CAMKMT: variants seen among roughly 807,000 people sequenced by gnomAD.
The protein encoded by CAMKMT is CaM KMT.
In CAMKMT, 53 loss-of-function variants were observed where a neutral mutation model predicts 48.0. That is an observed-to-expected ratio of 1.10 (90% confidence interval 0.89 to 1.39). The LOEUF (loss-of-function observed/expected upper bound fraction) is 1.39. Among genes scored for constraint, CAMKMT ranks in the 40% most tolerant of loss-of-function variants. CAMKMT has a pLI of 0.00. For missense variants in CAMKMT, 428 were observed against 402.7 expected, an observed-to-expected ratio of 1.06 and a Z score of -0.54; for synonymous variants, 165 against 152.3, an observed-to-expected ratio of 1.08 and a Z score of -0.61.
intron 3 of CAMKMT, among the ~76,000 whole-genome samples, chr2:44,482,996 G>T (rs1208458920): frequency 6.6e-6 from 1 of 152,126 alleles, no homozygotes; most frequent in African/African-American, 2.4e-5. Context: ...AAAGAATCAT[G>T]ATGCCAATGC....
intron 3 of CAMKMT, among the ~76,000 whole-genome samples, chr2:44,434,919 G>T (rs1666125711): frequency 6.6e-6 from 1 of 152,094 alleles, no homozygotes; most frequent in Non-Finnish European, 1.5e-5. Context: ...CACAATTTGA[G>T]GTCAAGTCAA....
intron 3 of CAMKMT, among the ~76,000 whole-genome samples, chr2:44,504,635 G>C (rs1037176595): frequency 2.6e-5 from 4 of 152,056 alleles, no homozygotes; most frequent in Non-Finnish European, 4.4e-5. Context: ...CTTTGGTGTT[G>C]CTGTTATTTT....
intron 3 of CAMKMT, among the ~76,000 whole-genome samples, chr2:44,468,244 A>C (rs1402995672): frequency 6.6e-6 from 1 of 152,238 alleles, no homozygotes; most frequent in Non-Finnish European, 1.5e-5. Context: ...AAGTATATGA[A>C]ACAATGTTCC....
At position 44,737,300 on chromosome 2, in the gene CAMKMT, A is replaced by G. The variant is rs147201776; in HGVS notation, c.624-6322A>G. Among the ~76,000 whole-genome samples the G allele has an allele frequency of 6.8e-3, 1,040 of 152,166 alleles. 13 individuals are homozygous for G. Among genetic ancestry groups the G allele is most frequent in the African/African-American group, 0.024 (986 of 41,520 alleles). On this transcript the variant is annotated intron_variant, in intron 7 of 10. Transcript: ENST00000378494. ...TCATCTAATTTTTGTATTTTTTTGT[A>G]GAGATGGGATCTTGCCATGTTGCCC...
chr2:44,574,845 A>T (rs1056337983), intron 3 of CAMKMT, among the ~76,000 whole-genome samples: 1 of 151,682 alleles, frequency 6.6e-6, no homozygotes, highest in Non-Finnish European at 1.5e-5. Flanking sequence ...GGTTCAAGCA[A>T]TTCTCCTGCC....
At chr2:44,686,637 T>G (rs1281694957) in intron 3 of CAMKMT, among the ~76,000 whole-genome samples, 1 of 152,200 alleles carries the variant, frequency 6.6e-6, no homozygotes, top group Non-Finnish European at 1.5e-5. Flanking sequence ...GGCTTTGCCA[T>G]GAACACGTTT....
intron 3 of CAMKMT, among the ~76,000 whole-genome samples, chr2:44,682,190 T>G (rs966918538): frequency 1.7e-4 from 26 of 152,248 alleles, no homozygotes; most frequent in African/African-American, 6.3e-4. Context: ...ACAAATACAC[T>G]GAACTTTTTC....
At chr2:44,667,764 T>C (rs578234121) in intron 3 of CAMKMT, among the ~76,000 whole-genome samples, 1 of 152,314 alleles carries the variant, frequency 6.6e-6, no homozygotes, top group South Asian at 2.1e-4. Flanking sequence ...CTTCTTTTTC[T>C]ACAGCTCAGG....
intron 3 of CAMKMT, among the ~76,000 whole-genome samples, chr2:44,438,017 A>G (rs191014027): frequency 6.6e-6 from 1 of 151,972 alleles, no homozygotes; most frequent in Admixed American, 6.6e-5. Context: ...TTCTTATTCC[A>G]TGTTCTAAGC....
chr2:44,678,490 A>G (rs1475630104), intron 3 of CAMKMT, among the ~76,000 whole-genome samples: 1 of 152,238 alleles, frequency 6.6e-6, no homozygotes, highest in Non-Finnish European at 1.5e-5. Flanking sequence ...CATATCTAAA[A>G]TGGCCAATCT....
intron 2 of CAMKMT, among the ~76,000 whole-genome samples, chr2:44,385,988 T>G (rs573272702): frequency 5.9e-5 from 9 of 152,276 alleles, no homozygotes; most frequent in African/African-American, 2.2e-4. Flanking sequence ...GCTGGCTTCA[T>G]AGAATGAATT....
chr2:44,462,113 G>C (rs939999077), intron 3 of CAMKMT, among the ~76,000 whole-genome samples: 1 of 151,686 alleles, frequency 6.6e-6, no homozygotes, highest in Non-Finnish European at 1.5e-5. Context: ...GAATGAATGG[G>C]GCTTTCTCCT....
chr2:44,493,146 C>CA (rs200268435), intron 3 of CAMKMT, among the ~76,000 whole-genome samples: 2,057 of 152,158 alleles, frequency 0.014, 29 homozygotes, highest in Non-Finnish European at 0.017. Context: ...CCACCCACCT[C>CA]AGGCTTCCAA....
At chr2:44,410,839 G>C (rs990379869) in intron 3 of CAMKMT, among the ~76,000 whole-genome samples, 1 of 152,088 alleles carries the variant, frequency 6.6e-6, no homozygotes, top group African/African-American at 2.4e-5. Flanking sequence ...TCTGTTTAAG[G>C]ATTGGTGAAT....
chr2:44,365,356 C>G (rs568409387), intron 1 of CAMKMT, among the ~76,000 whole-genome samples: 5 of 152,190 alleles, frequency 3.3e-5, no homozygotes, highest in African/African-American at 1.2e-4. Flanking sequence ...CCTGGTTGAC[C>G]TAGTGCATCA....
intron 3 of CAMKMT, among the ~76,000 whole-genome samples, chr2:44,432,475 A>G (rs1684710438): frequency 6.6e-6 from 1 of 152,186 alleles, no homozygotes; most frequent in Non-Finnish European, 1.5e-5. Context: ...AGAAGAGAAT[A>G]CTGGTGGGAG....
At chr2:44,381,547 A>G (rs368922517) in intron 2 of CAMKMT, among the ~76,000 whole-genome samples, 5 of 152,204 alleles carry the variant, frequency 3.3e-5, no homozygotes, top group African/African-American at 9.7e-5. Context: ...AGTGTGCACA[A>G]TAGTACAAAA....
intron 7 of CAMKMT, among the ~76,000 whole-genome samples, chr2:44,729,396 G>T (rs997056470): frequency 6.6e-6 from 1 of 152,302 alleles, no homozygotes; most frequent in Non-Finnish European, 1.5e-5. Flanking sequence ...AGTAAAAAGA[G>T]CCAGAAAGGG....
chr2:44,474,161 T>C (rs1366711488), intron 3 of CAMKMT, among the ~76,000 whole-genome samples: 1 of 152,054 alleles, frequency 6.6e-6, no homozygotes, highest in African/African-American at 2.4e-5. Flanking sequence ...TTAGTAAGCA[T>C]TGGGCCGGGC....
Sources: gnomAD v4.1 joint callset for allele counts (sites outside exome capture counted in the v4.1 genomes callset) on GRCh38, gnomAD v4.1.1 for gene constraint, MANE v1.5 for transcripts, NCBI Gene and HGNC (gene_info 2026-07-23, HGNC 2026-07-21) for gene names.